Variants in CSMD1 observed in about 807,000 individuals in gnomAD.
The protein encoded by CSMD1 is CUB and Sushi multiple domains 1, also known as CUB and sushi domain-containing protein 1.
A neutral mutation model predicts 417.5 loss-of-function variants in CSMD1; 213 were observed. The ratio of observed to expected loss-of-function variants is 0.51; its 90% CI spans 0.46 to 0.57. CSMD1 has a LOEUF of 0.57. Among genes scored for constraint, CSMD1 ranks in the 20% least tolerant of loss-of-function variants. The pLI, the probability that CSMD1 is intolerant of heterozygous loss-of-function variation, is 0.00. For missense variants in CSMD1, 6,923 were observed against 4,529.7 expected (o/e 1.53, Z -15.17); for synonymous variants, 2,862 against 1,736.8 (o/e 1.65, Z -16.11).
At chr8:3,187,376 TGA>T (rs1322304777) in intron 36 of CSMD1, among the ~76,000 whole-genome samples, 3 of 152,032 alleles carry the variant, frequency 2.0e-5, no homozygotes, top group Non-Finnish European at 4.4e-5. Context: ...GGTGCATTCG[TGA>T]GAGTCGGAGG....
intron 10 of CSMD1, among the ~76,000 whole-genome samples, chr8:3,494,510 G>C (rs1408837943): frequency 6.6e-6 from 1 of 152,052 alleles, no homozygotes; most frequent in Middle Eastern, 3.2e-3. Context: ...ATAGATGATA[G>C]ATTAGATGGA....
intron 57 of CSMD1, among the ~76,000 whole-genome samples, chr8:2,972,567 T>C (rs1804552411): frequency 6.6e-6 from 1 of 152,196 alleles, no homozygotes; most frequent in Non-Finnish European, 1.5e-5. Flanking sequence ...TGGCTATTCT[T>C]ACTGTCATTA....
At chr8:3,080,062 T>G (rs1463115111) in intron 49 of CSMD1, among the ~76,000 whole-genome samples, 1 of 152,150 alleles carries the variant, frequency 6.6e-6, no homozygotes, top group African/African-American at 2.4e-5. Flanking sequence ...GCCTGCAAAA[T>G]GCTAGCAAAT....
At chr8:3,411,986 A>G (rs373922440) in intron 12 of CSMD1, among the ~76,000 whole-genome samples, 506 of 6,964 alleles carry the variant, frequency 0.073, 175 homozygotes, top group Non-Finnish European at 0.11. Flanking sequence ...ATACACGTAT[A>G]TATACGTGTA....
chr8:3,804,335 C>T (rs1248413355), intron 5 of CSMD1, among the ~76,000 whole-genome samples: 4 of 152,110 alleles, frequency 2.6e-5, no homozygotes, highest in East Asian at 1.9e-4. Flanking sequence ...AACTCTAATG[C>T]GTCTTAAAAG....
chr8:4,076,484 G>T (rs192103588), intron 3 of CSMD1, among the ~76,000 whole-genome samples: 1 of 152,168 alleles, frequency 6.6e-6, no homozygotes, highest in East Asian at 1.9e-4. Flanking sequence ...TGATGTTTTT[G>T]AATTCATTAC....
intron 1 of CSMD1, among the ~76,000 whole-genome samples, chr8:4,841,035 C>T (rs1190652890): frequency 6.6e-6 from 1 of 152,232 alleles, no homozygotes; most frequent in Admixed American, 6.5e-5. Flanking sequence ...TCCACCCTGT[C>T]AGCACCAACG....
intron 54 of CSMD1, among the ~76,000 whole-genome samples, chr8:2,986,615 C>T (rs1015744704): frequency 6.6e-6 from 1 of 152,146 alleles, no homozygotes; most frequent in Admixed American, 6.5e-5. Flanking sequence ...CACCATTCTC[C>T]TGCCTCAGTC....
chr8:3,601,622 G>A (rs1462336461), intron 8 of CSMD1, among the ~76,000 whole-genome samples: 1 of 152,250 alleles, frequency 6.6e-6, no homozygotes, highest in South Asian at 2.1e-4. Flanking sequence ...AATTTTCATG[G>A]CTCTGTTCAG....
intron 15 of CSMD1, 64 bp downstream of exon 15, chr8:3,405,963 G>C: frequency 2.0e-6 from 3 of 1,492,316 alleles, no homozygotes; most frequent in Non-Finnish European, 2.8e-6. Flanking sequence ...GTTGGTTTGT[G>C]TGTGTGCCTG....
Position 3,214,490 on chromosome 8 carries a change from C to T in CSMD1, c.4867+7G>A. The T allele has an allele frequency of 6.3e-7, 1 of 1,577,710 alleles. No homozygotes were observed. The highest frequency in any genetic ancestry group is 8.6e-7 in the Non-Finnish European group (1 of 1,162,592). ...TATTTCTAGAAAATACCCAAGCGTGCACTCACCATTGCAGGAGGGCAGCAC... is the reference window on the plus strand; with the variant it reads ...TATTTCTAGAAAATACCCAAGCGTGTACTCACCATTGCAGGAGGGCAGCAC... On this transcript the variant is annotated splice_region_variant and intron_variant, in intron 30 of 69. Transcript: ENST00000635120.
chr8:4,134,187 T>G (rs140709250), intron 3 of CSMD1, among the ~76,000 whole-genome samples: 15 of 152,288 alleles, frequency 9.8e-5, no homozygotes, highest in African/African-American at 3.4e-4. Flanking sequence ...AAAATTAAAG[T>G]TGAAGGAAAG....
At chr8:4,591,474 C>T (rs150667934) in intron 2 of CSMD1, among the ~76,000 whole-genome samples, 4 of 152,150 alleles carry the variant, frequency 2.6e-5, no homozygotes, top group Admixed American at 1.3e-4. Flanking sequence ...GCAGAGCTAT[C>T]GAGCTGTAAA....
intron 5 of CSMD1, among the ~76,000 whole-genome samples, chr8:3,961,183 T>G (rs954391685): frequency 2.6e-5 from 4 of 152,208 alleles, no homozygotes; most frequent in Admixed American, 6.5e-5. Flanking sequence ...TTTCTCTGCC[T>G]ATAAGCATGA....
At chr8:3,772,262 G>GACATACATATGTACATATATTTAC (rs1563063825) in intron 5 of CSMD1, among the ~76,000 whole-genome samples, 1 of 120,256 alleles carries the variant, frequency 8.3e-6, no homozygotes. Flanking sequence ...CATATATTTA[G>GACATACATATGTACATATATTTAC]ACATACATAT....
chr8:3,389,713 C>T (rs1170633207), intron 17 of CSMD1, among the ~76,000 whole-genome samples: 3 of 151,976 alleles, frequency 2.0e-5, no homozygotes, highest in Non-Finnish European at 2.9e-5. Context: ...ACTTTTCCCA[C>T]ACAAAATTTA....
At chr8:4,334,527 C>A (rs1339480993) in intron 3 of CSMD1, among the ~76,000 whole-genome samples, 2 of 152,050 alleles carry the variant, frequency 1.3e-5, no homozygotes, top group Non-Finnish European at 2.9e-5. Flanking sequence ...TGAGCTAATT[C>A]CTTAAAATAA....
At chr8:3,065,771 A>G (rs938726814) in intron 49 of CSMD1, among the ~76,000 whole-genome samples, 2 of 152,238 alleles carry the variant, frequency 1.3e-5, no homozygotes, top group Non-Finnish European at 2.9e-5. Context: ...AAGGAAAATT[A>G]GGCATAAACT....
At chr8:4,691,282 G>A (rs977630551) in intron 1 of CSMD1, among the ~76,000 whole-genome samples, 1 of 152,136 alleles carries the variant, frequency 6.6e-6, no homozygotes, top group Non-Finnish European at 1.5e-5. Flanking sequence ...TGGAGAGTGT[G>A]AATTTCAGCT....
Sources: gnomAD v4.1 joint callset for allele counts (sites outside exome capture counted in the v4.1 genomes callset) on GRCh38, gnomAD v4.1.1 for gene constraint, MANE v1.5 for transcripts, NCBI Gene and HGNC (gene_info 2026-07-23, HGNC 2026-07-21) for gene names.